The following ADGRL1 variants were observed in gnomAD, a reference collection of about 807,000 sequenced individuals.
The protein encoded by ADGRL1 is CIRL-1.
A neutral mutation model predicts 148.9 loss-of-function variants in ADGRL1; 31 were observed. That is an observed-to-expected ratio of 0.21 (90% CI 0.16 to 0.28). The LOEUF (loss-of-function observed/expected upper bound fraction) is 0.28. Ranked by LOEUF, ADGRL1 falls within the 10% of genes least tolerant of loss-of-function variation. ADGRL1 has a pLI of 1.00. For missense variants in ADGRL1, 1,521 were observed against 2,058.8 expected (o/e 0.74, Z 5.05); for synonymous variants, 937 against 900.3 (o/e 1.04, Z -0.73).
intron 4 of ADGRL1, among the ~76,000 whole-genome samples, chr19:14,164,061 C>T (rs986781911): frequency 5.3e-5 from 8 of 151,970 alleles, no homozygotes; most frequent in Non-Finnish European, 1.0e-4. Context: ...GGGGTTTCAA[C>T]TCTCTCCCCA....
Position 14,155,976 on chromosome 19 carries a change from CT to C in ADGRL1, c.3125+133del. ...ACATAGTGAACACAATAGAACACCC[CT>C]GTTGGTACTTAAAATTGCAATGTGT... On this transcript the variant is annotated intron_variant, in intron 17 of 22. Coordinates refer to ENST00000361434, the MANE Select transcript of ADGRL1 (RefSeq NM_014921.5). This position sits in a 1 kb window ranked among gnomAD's most constrained non-coding sequence, Gnocchi z 5.0. 1.5e-6 allele frequency: 1 copy of C among 676,240 alleles called. No individual in the cohort carries two copies. Among genetic ancestry groups the C allele is most frequent in the East Asian group, 2.7e-5 (1 of 36,520 alleles). The allele number at this position is 676,240 out of a possible 1,614,324, so 41.9% of individuals were successfully genotyped here. A position where few individuals can be genotyped will look rare whatever the true frequency, so the allele number is the denominator to read the frequency against.
chr19:14,177,657 C>G lies in ADGRL1; in HGVS notation c.158G>C (p.Ser53Thr), dbSNP rs757984952. ...GGCATTCTCCACCATGATGACGTCG[C>G]TGCCGGGGCACCGCAGCTCGATGGG... ...GYPIELRCPG[S>T]DVIMVENANY... The change falls in exon 3 of 23, where the codon AGC becomes ACC. Residue 53 changes from serine to threonine, a missense_variant. Around this residue, in one of 8 missense-constraint regions of ADGRL1, gnomAD observed 334 missense variants for 512.5 expected, o/e 0.65. Coordinates refer to ENST00000361434, the MANE Select transcript of ADGRL1 (RefSeq NM_014921.5). The G allele has an allele frequency of 6.2e-7, 1 of 1,614,248 alleles. No individual in the cohort carries two copies. The highest frequency in any genetic ancestry group is 8.5e-7 in the Non-Finnish European group (1 of 1,180,050).
chr19:14,177,781 C>G, intron 2 of ADGRL1, 37 bp from the exon 3 acceptor site: 1 of 1,581,432 alleles, frequency 6.3e-7, no homozygotes, highest in Non-Finnish European at 8.6e-7. Flanking sequence ...ACTCCTGGGC[C>G]TGGGCCAGGA....
chr19:14,191,140 C>A (rs1327458117), intron 1 of ADGRL1: 2 of 456,618 alleles, frequency 4.4e-6, no homozygotes, highest in South Asian at 3.1e-5. Context: ...TCTGCTTTAA[C>A]CCCTCCAACA....
rs1251710987 is a variant in ADGRL1, at chr19:14,167,410, C to G, written c.394+3272G>C. On this transcript the variant is annotated intron_variant, in intron 4 of 22. Coordinates refer to ENST00000361434, the MANE Select transcript of ADGRL1 (RefSeq NM_014921.5). ...CAAGGCGGGGGCAGGGAGTAGGGAG[C>G]CCCAGCTGGGAGGTGGGCTCCGGTC... Among the ~76,000 whole-genome samples the G allele has an allele frequency of 2.6e-5, 4 of 152,106 alleles. No individual in the cohort carries two copies. The East Asian group carries it at 5.8e-4, about 22-fold the overall frequency.
Position 14,162,944 on chromosome 19 carries a change from A to G in ADGRL1, c.857T>C (p.Val286Ala). Residue 286 changes from valine (V) to alanine (A), a missense_variant, in exon 5 of 23, where the codon GTG becomes GCG. Val to Ala is a moderately conservative substitution (Grantham distance 64). Coordinates refer to ENST00000361434, the MANE Select transcript of ADGRL1 (RefSeq NM_014921.5). The surrounding 1 kb of genome is among the most constrained non-coding windows in gnomAD (Gnocchi z 5.4). ...YATEGNNGRL[V>A]VSQLNPYTLR... is the part of the protein sequence containing the mutation. ...TGTGTAGGGGTTCAGCTGGCTCACC[A>G]CCAGCCGCCCGTTGTTGCCCTCAGT... 1 of 1,613,530 alleles carries G rather than the reference A, an allele frequency of 6.2e-7. No homozygotes were observed. The highest frequency in any genetic ancestry group is 8.5e-7 in the Non-Finnish European group (1 of 1,179,816).
At chr19:14,180,044 C>G (rs751222654) in intron 2 of ADGRL1, among the ~76,000 whole-genome samples, 2 of 152,162 alleles carry the variant, frequency 1.3e-5, no homozygotes, top group Non-Finnish European at 2.9e-5. Flanking sequence ...TGTAGGTGGT[C>G]TATCAGGGCT....
chr19:14,149,907 G>A lies in ADGRL1; in HGVS notation c.*966C>T, dbSNP rs1465257494. 1 of 149,184 alleles carries A rather than the reference G, an allele frequency of 6.7e-6. No individual in the cohort carries two copies. Among genetic ancestry groups the A allele is most frequent in the African/African-American group, 2.5e-5 (1 of 40,732 alleles). The allele number at this position is 149,184 out of a possible 1,614,324, so 9.2% of individuals were successfully genotyped here. On this transcript the variant is annotated 3_prime_UTR_variant, in exon 23 of 23. Transcript: ENST00000361434. ...GGCTCCCGGTGGCTTCAAGTGATGAGATTTTTTTTCTTTTCTTTTTTTTTT... is the reference window on the plus strand; with the variant it reads ...GGCTCCCGGTGGCTTCAAGTGATGAAATTTTTTTTCTTTTCTTTTTTTTTT...
intron 1 of ADGRL1, among the ~76,000 whole-genome samples, chr19:14,202,495 C>T (rs1972679649): frequency 1.3e-5 from 2 of 152,112 alleles, no homozygotes; most frequent in Admixed American, 6.5e-5. Flanking sequence ...TCAGGTGATC[C>T]ACCCGCCTCA....
Position 14,155,127 on chromosome 19 carries a change from T to G in ADGRL1, c.3294+232A>C, listed in dbSNP as rs1224194926. 5.2e-6 allele frequency: 2 copies of G among 385,170 alleles called. No homozygotes were observed. The highest frequency in any genetic ancestry group is 7.8e-5 in the Admixed American group (2 of 25,554). 23.9% of individuals were successfully genotyped at this position (385,170 alleles called of 1,614,324 possible). A position where few individuals can be genotyped will look rare whatever the true frequency, so the allele number is the denominator to read the frequency against. On this transcript the variant is annotated intron_variant, in intron 18 of 22. Transcript: ENST00000361434. This position sits in a 1 kb window ranked among gnomAD's most constrained non-coding sequence, Gnocchi z 5.0. The stretch of plus-strand genomic sequence containing the variant: ...CAAATCTGTTCTGCTCTCACTCCTC[T>G]AAGTTGCTGTATCTTGTTTTCCAGA...
In ADGRL1 at chr19:14,148,141, C is replaced by T. The variant is rs1209876093; in HGVS notation, c.*2732G>A. 6.6e-6 allele frequency: 1 copy of T among 152,652 alleles called. No homozygotes were observed. Among genetic ancestry groups the T allele is most frequent in the Non-Finnish European group, 1.5e-5 (1 of 68,054 alleles). 9.5% of individuals were successfully genotyped at this position (152,652 alleles called of 1,614,324 possible). A position where few individuals can be genotyped will look rare whatever the true frequency, so the allele number is the denominator to read the frequency against. On this transcript the variant is annotated 3_prime_UTR_variant, in exon 23 of 23. Coordinates refer to ENST00000361434, the MANE Select transcript of ADGRL1 (RefSeq NM_014921.5). Reference sequence around the variant, plus strand: ...CTAAGGAAGGGAGTAGGAGAGGAAACCAAGACCCTTCTCTGTACCGTCCCA... The same window carrying T: ...CTAAGGAAGGGAGTAGGAGAGGAAATCAAGACCCTTCTCTGTACCGTCCCA...
Position 14,163,101 on chromosome 19 carries a change from G to A in ADGRL1, c.700C>T (p.Arg234Trp), listed in dbSNP as rs371929966. ...GTCTCCCCGCTCTTGATGCGCGTCC[G>A]TAGGTCATACTTGACGATGTTGCGC... The part of the protein sequence containing the change: ...RTRNIVKYDL[R>W]TRIKSGETVI... Residue 234 changes from arginine to tryptophan, a missense_variant, in exon 5 of 23, where the codon CGG becomes TGG. Arg to Trp is a moderately radical substitution (Grantham distance 101). Transcript: ENST00000361434. The A allele has an allele frequency of 6.2e-6, 10 of 1,613,964 alleles. No individual in the cohort carries two copies. The highest frequency in any genetic ancestry group is 1.3e-5 in the African/African-American group (1 of 74,938).
chr19:14,194,696 G>C (rs1568630118), intron 1 of ADGRL1, among the ~76,000 whole-genome samples: 1 of 152,088 alleles, frequency 6.6e-6, no homozygotes, highest in Non-Finnish European at 1.5e-5. Flanking sequence ...TGGGGGGCCA[G>C]AAGAGCCCCC....
At chr19:14,192,263 C>T (rs142676274) in intron 1 of ADGRL1, among the ~76,000 whole-genome samples, 105 of 151,956 alleles carry the variant, frequency 6.9e-4, no homozygotes, top group East Asian at 5.8e-3. Flanking sequence ...TTTTTTGAGA[C>T]GGAGTTTCAC....
intron 2 of ADGRL1, among the ~76,000 whole-genome samples, chr19:14,182,754 C>T (rs1039420724): frequency 2.6e-5 from 4 of 152,132 alleles, no homozygotes; most frequent in African/African-American, 7.2e-5. Flanking sequence ...GGGCAGAGAA[C>T]GTAGCAGCAG....
intron 1 of ADGRL1, among the ~76,000 whole-genome samples, chr19:14,187,698 C>CCCACATCTG (rs1971673136): frequency 6.6e-6 from 1 of 152,024 alleles, no homozygotes; most frequent in African/African-American, 2.4e-5. Flanking sequence ...CCGCATCTCC[C>CCCACATCTG]CCACATCTGT....
intron 1 of ADGRL1, among the ~76,000 whole-genome samples, chr19:14,198,294 A>G (rs1972393283): frequency 6.6e-6 from 1 of 152,096 alleles, no homozygotes; most frequent in South Asian, 2.1e-4. Context: ...GGGTGTTCAC[A>G]GGTGTCCTCT....
At chr19:14,173,491 T>C (rs1970615484) in intron 3 of ADGRL1, among the ~76,000 whole-genome samples, 1 of 152,206 alleles carries the variant, frequency 6.6e-6, no homozygotes, top group South Asian at 2.1e-4. Context: ...AGTTTAGGCA[T>C]CCACTGGGGT....
At chr19:14,170,503 C>A in intron 4 of ADGRL1, 179 bp downstream of exon 4, 1 of 544,274 alleles carries the variant, frequency 1.8e-6, no homozygotes, top group Non-Finnish European at 3.3e-6. Flanking sequence ...GGAGCAGGCA[C>A]TGAGTGTGGA....
Sources: gnomAD v4.1 joint callset for allele counts (sites outside exome capture counted in the v4.1 genomes callset) on GRCh38, gnomAD v4.1.1 for gene constraint, gnomAD v4.1.1 regional missense constraint, Gnocchi (gnomAD v3.1) non-coding constraint, MANE v1.5 for transcripts, NCBI Gene and HGNC (gene_info 2026-07-23, HGNC 2026-07-21) for gene names.